ARSG: variants seen among roughly 807,000 people sequenced by gnomAD.
ARSG encodes arylsulfatase G.
Under a neutral mutation model 50.5 loss-of-function variants are expected in ARSG, and 37 were observed. The observed-to-expected ratio is 0.73, with a 90% CI of 0.56 to 0.96. The LOEUF (loss-of-function observed/expected upper bound fraction) is 0.96, where lower values mean the gene tolerates loss of function less well. Among genes scored for constraint, ARSG ranks in the 50% least tolerant of loss-of-function variants. The pLI is 0.00. For missense variants in ARSG, 629 were observed against 675.3 expected (o/e 0.93, Z 0.76); for synonymous variants, 225 against 254.6 (o/e 0.88, Z 1.11).
At chr17:68,272,906 G>T in intron 1 of ARSG, 2 of 1,009,794 alleles carry the variant, frequency 2.0e-6, no homozygotes, top group Non-Finnish European at 2.9e-6. Flanking sequence ...TCTGGACAAA[G>T]GTGATGTTGC....
At chr17:68,344,159 T>A (rs986891822) in intron 3 of ARSG, among the ~76,000 whole-genome samples, 1 of 152,190 alleles carries the variant, frequency 6.6e-6, no homozygotes, top group Non-Finnish European at 1.5e-5. Flanking sequence ...TTTAGGCCCC[T>A]GAACCACGAT....
At chr17:68,330,383 T>G (rs1311034006) in intron 2 of ARSG, among the ~76,000 whole-genome samples, 1 of 152,078 alleles carries the variant, frequency 6.6e-6, no homozygotes, top group African/African-American at 2.4e-5. Flanking sequence ...TGGTGGCCCT[T>G]GGGTTGTTTG....
At chr17:68,347,214 A>G (rs762325342) in intron 4 of ARSG, 42 bp downstream of exon 4, 3 of 1,594,686 alleles carry the variant, frequency 1.9e-6, no homozygotes, top group Non-Finnish European at 2.6e-6. Flanking sequence ...GAAACAGAAA[A>G]TAAAGGTCTC....
At chr17:68,371,699 C>T (rs192732498) in intron 8 of ARSG, among the ~76,000 whole-genome samples, 122 of 152,258 alleles carry the variant, frequency 8.0e-4, no homozygotes, top group African/African-American at 2.6e-3. Context: ...AAAGGATGCT[C>T]ATTGCAGTGA....
intron 1 of ARSG, among the ~76,000 whole-genome samples, chr17:68,265,166 AAAAAAAG>A (rs1213850498): frequency 2.1e-4 from 31 of 151,212 alleles, no homozygotes; most frequent in South Asian, 1.0e-3. Context: ...GAAAAAAAAA[AAAAAAAG>A]AAAAAAGAAA....
At chr17:68,362,959 G>A (rs979548137) in intron 6 of ARSG, among the ~76,000 whole-genome samples, 21 of 152,144 alleles carry the variant, frequency 1.4e-4, no homozygotes, top group African/African-American at 3.9e-4. Context: ...GAATGAATGA[G>A]TGAGTTACTT....
At chr17:68,426,254 G>GGGGGGGT, downstream of ARSG, 2 of 816,914 alleles carry the variant, frequency 2.4e-6, no homozygotes, top group Non-Finnish European at 3.9e-6. Flanking sequence ...GGGAGCGGGG[G>GGGGGGGT]CTCAAATAAA....
rs1321691090 is a variant in ARSG, at chr17:68,306,969, C to T, written c.-525C>T. 4.6e-5 allele frequency: 7 copies of T among 152,564 alleles called. No homozygotes were observed. The highest frequency in any genetic ancestry group is 1.7e-4 in the African/African-American group (7 of 41,458). The allele number at this position is 152,564 out of a possible 1,614,324, so 9.5% of individuals were successfully genotyped here. A position where few individuals can be genotyped will look rare whatever the true frequency, so the allele number is the denominator to read the frequency against. On this transcript the variant is annotated 5_prime_UTR_variant, in exon 2 of 12. Transcript: ENST00000621439. The stretch of plus-strand genomic sequence containing the variant: ...AAACCTTACAGAAACATGAAGCCCT[C>T]AACCATCTGCTACTCAGTTATTCGG...
Position 68,271,077 on chromosome 17 carries a change from A to G in ARSG, c.-552+11651A>G. ...TCAATAAGATGACGCAGATGAGCTC[A>G]ATGTAAATCTTACGAATGGGCTCCC... On this transcript the variant is annotated intron_variant, in intron 1 of 11. Coordinates refer to the ARSG transcript ENST00000448504. The surrounding 1 kb of genome is among the most constrained non-coding windows in gnomAD (Gnocchi z 5.3). The G allele has an allele frequency of 6.2e-7, 1 of 1,614,176 alleles. No individual in the cohort carries two copies.
At chr17:68,430,251 TC>T in the ARSG span, 4 of 1,321,256 alleles carry the variant, frequency 3.0e-6, no homozygotes, top group Admixed American at 2.3e-5. Context: ...TTAGCCACAC[TC>T]CCCGCAGCAG....
chr17:68,433,578 A>G, the ARSG span: 21 of 1,613,068 alleles, frequency 1.3e-5, no homozygotes, highest in South Asian at 2.1e-4. Context: ...TCACATACCT[A>G]CAAGCACAGC....
intron 2 of ARSG, among the ~76,000 whole-genome samples, chr17:68,320,808 C>T (rs1005978721): frequency 1.3e-5 from 2 of 152,140 alleles, no homozygotes; most frequent in East Asian, 1.9e-4. Flanking sequence ...TCCAGGATGG[C>T]TTGACTCAGA....
rs2079588206 is a variant in ARSG at position 68,367,207 on chromosome 17, T to C, written c.705-1341T>C. Among the ~76,000 whole-genome samples the C allele has an allele frequency of 2.6e-5, 4 of 152,228 alleles. No individual in the cohort carries two copies. The highest frequency in any genetic ancestry group is 2.6e-4 in the Admixed American group (4 of 15,280). The stretch of plus-strand genomic sequence containing the variant: ...TTAAAATGGGGAAGGCAGACGCCCC[T>C]GTCTTGGGACTTGTGTCCAGGGTTT... On this transcript the variant is annotated intron_variant, in intron 6 of 11. Coordinates refer to ENST00000621439, the MANE Select transcript of ARSG (RefSeq NM_001267727.2). The surrounding 1 kb of genome is among the most constrained non-coding windows in gnomAD (Gnocchi z 4.5).
chr17:68,271,335 C>T lies in ARSG; in HGVS notation c.-552+11909C>T, dbSNP rs375073029. 4.3e-6 allele frequency: 7 copies of T among 1,614,234 alleles called. No homozygotes were observed. In the African/African-American group the frequency reaches 8.0e-5, roughly 18 times the overall value. ...ATAGCGGGGCTTTCTTTTCGCTTGG[C>T]CTGGGGCTGGTCTTCACCAGGACCT... On this transcript the variant is annotated intron_variant, in intron 1 of 11. Transcript: ENST00000448504. The surrounding 1 kb of genome is among the most constrained non-coding windows in gnomAD (Gnocchi z 5.3).
At chr17:68,397,108 C>T (rs191239450) in intron 10 of ARSG, among the ~76,000 whole-genome samples, 5 of 152,292 alleles carry the variant, frequency 3.3e-5, no homozygotes, top group Admixed American at 6.5e-5. Context: ...CTTTCTCAGA[C>T]GGGAGAGCTC....
chr17:68,274,242 G>T, intron 1 of ARSG: 1 of 582,400 alleles, frequency 1.7e-6, no homozygotes. Context: ...GAGGACGGAG[G>T]ATCGCTTGAG....
chr17:68,325,423 T>TATA (rs1201795232), intron 2 of ARSG, among the ~76,000 whole-genome samples: 1 of 152,080 alleles, frequency 6.6e-6, no homozygotes, highest in Non-Finnish European at 1.5e-5. Flanking sequence ...TATATTACAA[T>TATA]ATAATAATAA....
intron 8 of ARSG, among the ~76,000 whole-genome samples, chr17:68,371,530 G>A (rs933727691): frequency 3.3e-5 from 5 of 152,088 alleles, no homozygotes; most frequent in Non-Finnish European, 7.4e-5. Flanking sequence ...GGAGAGCTTT[G>A]CCACAAGGAC....
chr17:68,267,309 C>G (rs1293421021), intron 1 of ARSG: 1 of 152,126 alleles, frequency 6.6e-6, no homozygotes, highest in African/African-American at 2.4e-5. Context: ...AAAACTGCCA[C>G]AAGCTCAAAG....
Sources: allele counts gnomAD v4.1 joint callset (sites outside exome capture counted in the v4.1 genomes callset), GRCh38; gene constraint gnomAD v4.1.1; non-coding constraint Gnocchi (gnomAD v3.1); transcripts MANE v1.5; gene names NCBI Gene and HGNC (gene_info 2026-07-23, HGNC 2026-07-21).